The following ZBTB7C variants were observed in gnomAD, a reference collection of about 807,000 sequenced individuals.
ZBTB7C encodes zinc finger and BTB domain containing 7C.
ZBTB7C carries 8 observed loss-of-function variants against 25.7 expected under a neutral mutation model. The observed-to-expected ratio is 0.31, with a 90% confidence interval of 0.18 to 0.56. The LOEUF (loss-of-function observed/expected upper bound fraction) is 0.56. ZBTB7C is among the 20% of genes least tolerant of loss of function. ZBTB7C has a pLI of 0.91. For missense variants in ZBTB7C, 824 were observed against 855.2 expected, an observed-to-expected ratio of 0.96 and a Z score of 0.46; for synonymous variants, 394 against 369.0, an observed-to-expected ratio of 1.07 and a Z score of -0.78.
chr18:48,281,396 A>G (rs1419512293), intron 2 of ZBTB7C, among the ~76,000 whole-genome samples: 9 of 152,174 alleles, frequency 5.9e-5, no homozygotes, highest in East Asian at 1.9e-4. Flanking sequence ...GGACATAGGC[A>G]TGGGCAAGGA....
Position 48,026,896 on chromosome 18 carries a change from T to TA in ZBTB7C, c.*2363dup, listed in dbSNP as rs1414077685. On this transcript the variant is annotated 3_prime_UTR_variant, in exon 5 of 5. Coordinates refer to ENST00000590800, the MANE Select transcript of ZBTB7C (RefSeq NM_001318841.2). ...CTCAATATAATTTAATCAAGTCAAT[T>TA]AATACTGTTTAATAAATAGGCCAGA... 1 of 151,994 alleles carries TA rather than the reference T, an allele frequency of 6.6e-6. No homozygotes were observed. The highest frequency in any genetic ancestry group is 1.5e-5 in the Non-Finnish European group (1 of 68,002). The allele number at this position is 151,994 out of a possible 1,614,324, so 9.4% of individuals were successfully genotyped here. A position where few individuals can be genotyped will look rare whatever the true frequency, so the allele number is the denominator to read the frequency against.
chr18:48,395,338 G>A (rs190602351), intron 1 of ZBTB7C, among the ~76,000 whole-genome samples: 47 of 136,644 alleles, frequency 3.4e-4, no homozygotes, highest in African/African-American at 9.9e-4. Flanking sequence ...GGGGTGATGT[G>A]TATGAATGTG....
At chr18:48,319,545 G>T (rs1350881286) in intron 2 of ZBTB7C, among the ~76,000 whole-genome samples, 1 of 152,198 alleles carries the variant, frequency 6.6e-6, no homozygotes, top group Non-Finnish European at 1.5e-5. Flanking sequence ...ACATGCAATG[G>T]TGTAGGTGGA....
intron 3 of ZBTB7C, among the ~76,000 whole-genome samples, chr18:48,054,108 G>C (rs984042083): frequency 6.6e-6 from 1 of 152,206 alleles, no homozygotes. Context: ...GAACACTGCA[G>C]CCCACCATGT....
At chr18:48,053,281 A>C (rs575666540) in intron 3 of ZBTB7C, among the ~76,000 whole-genome samples, 259 of 152,322 alleles carry the variant, frequency 1.7e-3, no homozygotes, top group African/African-American at 5.9e-3. Flanking sequence ...GATTCATTAC[A>C]GACACCCCAC....
intron 2 of ZBTB7C, among the ~76,000 whole-genome samples, chr18:48,191,676 C>A (rs991173035): frequency 6.6e-6 from 1 of 152,218 alleles, no homozygotes; most frequent in African/African-American, 2.4e-5. Context: ...TTGGTGAGAA[C>A]AAGGCCTGGT....
chr18:48,359,305 G>A (rs1321285171), intron 1 of ZBTB7C, among the ~76,000 whole-genome samples: 3 of 152,050 alleles, frequency 2.0e-5, no homozygotes, highest in Non-Finnish European at 4.4e-5. Flanking sequence ...CTAGGGTGAA[G>A]GAAAGCTTTC....
intron 3 of ZBTB7C, among the ~76,000 whole-genome samples, chr18:48,053,427 C>T (rs535045904): frequency 9.2e-5 from 14 of 152,132 alleles, no homozygotes; most frequent in Non-Finnish European, 1.8e-4. Context: ...TCACCTTTGA[C>T]TGAATCAAAC....
In ZBTB7C at chr18:48,198,349, T is replaced by C. The variant is rs140308540; in HGVS notation, c.-78-12354A>G. On this transcript the variant is annotated intron_variant, in intron 2 of 4. Coordinates refer to ENST00000590800, the MANE Select transcript of ZBTB7C (RefSeq NM_001318841.2). The stretch of plus-strand genomic sequence containing the variant: ...GCATTGGACCTCCAGACACACTGCA[T>C]CAGTTTCGAGTGCTGCTCTAACAAA... Among the ~76,000 whole-genome samples, 614 of 152,288 alleles carry C rather than the reference T, an allele frequency of 4.0e-3. 3 individuals are homozygous for C. The highest frequency in any genetic ancestry group is 3.6e-3 in the Non-Finnish European group (244 of 68,014).
intron 3 of ZBTB7C, among the ~76,000 whole-genome samples, chr18:48,179,681 TTCC>T (rs2041819766): frequency 1.2e-5 from 1 of 83,080 alleles, no homozygotes; most frequent in Non-Finnish European, 3.1e-5. Context: ...CTCTCCTTCC[TTCC>T]TTCCTTCCTT....
chr18:48,289,238 G>T (rs919831690), intron 2 of ZBTB7C, among the ~76,000 whole-genome samples: 1 of 152,070 alleles, frequency 6.6e-6, no homozygotes, highest in African/African-American at 2.4e-5. Context: ...CTAAGACCTA[G>T]CAAATTCACT....
At chr18:48,057,236 C>T (rs1047376943) in intron 3 of ZBTB7C, among the ~76,000 whole-genome samples, 2 of 152,094 alleles carry the variant, frequency 1.3e-5, no homozygotes, top group Non-Finnish European at 2.9e-5. Context: ...AGCAATTACC[C>T]TTATAGATAT....
chr18:48,162,650 T>G (rs1011568492), intron 3 of ZBTB7C, among the ~76,000 whole-genome samples: 1 of 152,110 alleles, frequency 6.6e-6, no homozygotes, highest in African/African-American at 2.4e-5. Flanking sequence ...CCCTGTCACT[T>G]CATAGCTGTG....
intron 2 of ZBTB7C, among the ~76,000 whole-genome samples, chr18:48,228,852 C>A (rs978074361): frequency 4.6e-5 from 7 of 151,978 alleles, no homozygotes; most frequent in Non-Finnish European, 1.0e-4. Flanking sequence ...TGCACACCCT[C>A]TCATACACAA....
intron 1 of ZBTB7C, among the ~76,000 whole-genome samples, chr18:48,396,411 C>T (rs2048029683): frequency 6.6e-6 from 1 of 152,214 alleles, no homozygotes; most frequent in Non-Finnish European, 1.5e-5. Context: ...GACAAGAAGC[C>T]TGACATGAAC....
intron 3 of ZBTB7C, among the ~76,000 whole-genome samples, chr18:48,041,973 A>ATATG (rs1464260334): frequency 1.3e-5 from 2 of 152,322 alleles, no homozygotes; most frequent in East Asian, 3.9e-4. Flanking sequence ...TTATCATTGT[A>ATATG]TATGTTATAC....
At chr18:48,042,277 AAAAC>A (rs149519764) in intron 3 of ZBTB7C, among the ~76,000 whole-genome samples, 7 of 152,202 alleles carry the variant, frequency 4.6e-5, no homozygotes, top group African/African-American at 1.7e-4. Context: ...AGCCTAAAAC[AAAAC>A]AAACAACAAA....
intron 3 of ZBTB7C, among the ~76,000 whole-genome samples, chr18:48,106,843 G>A (rs1470949307): frequency 1.3e-5 from 2 of 151,972 alleles, no homozygotes; most frequent in Admixed American, 6.6e-5. Context: ...GGTGGGGAAT[G>A]GGGTGGGGAT....
chr18:48,336,110 C>A (rs555032934), intron 2 of ZBTB7C, among the ~76,000 whole-genome samples: 61 of 152,300 alleles, frequency 4.0e-4, no homozygotes, highest in African/African-American at 1.4e-3. Flanking sequence ...ACCCACCCCT[C>A]CTGCCTCCAG....
Sources: gnomAD v4.1 joint callset for allele counts (sites outside exome capture counted in the v4.1 genomes callset) on GRCh38, gnomAD v4.1.1 for gene constraint, MANE v1.5 for transcripts, NCBI Gene and HGNC (gene_info 2026-07-23, HGNC 2026-07-21) for gene names.